The following CACNA1A variants were observed in gnomAD, a reference collection of about 807,000 sequenced individuals.
CACNA1A encodes the protein voltage-dependent P/Q-type calcium channel subunit alpha-1A.
In CACNA1A, 57 loss-of-function variants were observed where a neutral mutation model predicts 262.4. The ratio of observed to expected loss-of-function variants is 0.22; its 90% confidence interval spans 0.18 to 0.27. CACNA1A has a LOEUF of 0.27. CACNA1A is among the 10% of genes least tolerant of loss of function. The pLI, the probability that CACNA1A is intolerant of heterozygous loss-of-function variation, is 1.00. For synonymous variants in CACNA1A, 1,431 were observed against 1,419.3 expected (o/e 1.01, Z -0.18); for missense variants, 2,526 against 3,562.8 (o/e 0.71, Z 7.41).
At chr19:13,268,203 A>G (rs1195380730) in intron 24 of CACNA1A, among the ~76,000 whole-genome samples, 1 of 152,190 alleles carries the variant, frequency 6.6e-6, no homozygotes, top group African/African-American at 2.4e-5. Context: ...GGATGGAATT[A>G]GAAGCAACTC....
At chr19:13,474,972 AAGG>A in intron 1 of CACNA1A, among the ~76,000 whole-genome samples, 1 of 152,256 alleles carries the variant, frequency 6.6e-6, no homozygotes, top group Non-Finnish European at 1.5e-5. Context: ...AATCTCCTCG[AAGG>A]AGAAGTCAAA....
At chr19:13,427,590 CAAGT>C (rs2060426747) in intron 3 of CACNA1A, among the ~76,000 whole-genome samples, 1 of 152,102 alleles carries the variant, frequency 6.6e-6, no homozygotes, top group Non-Finnish European at 1.5e-5. Flanking sequence ...GGATCTTGGG[CAAGT>C]TACTTCCTCT....
At chr19:13,260,329 TA>T (rs753383284) in intron 26 of CACNA1A, 9,668 of 83,870 alleles carry the variant, frequency 0.12, 440 homozygotes, top group East Asian at 0.28. Context: ...TATATATATA[TA>T]TATTTTTGTT....
intron 1 of CACNA1A, among the ~76,000 whole-genome samples, chr19:13,467,723 T>G (rs184542639): frequency 1.8e-3 from 270 of 151,398 alleles, no homozygotes; most frequent in African/African-American, 6.3e-3. Context: ...TCCTGTCTCA[T>G]CCTCCCGAGT....
At chr19:13,467,783 T>G (rs973785129) in intron 1 of CACNA1A, among the ~76,000 whole-genome samples, 18 of 151,902 alleles carry the variant, frequency 1.2e-4, no homozygotes, top group Non-Finnish European at 2.4e-4. Flanking sequence ...TTTTTTATTT[T>G]TAGTGAGGAT....
intron 29 of CACNA1A, 76 bp downstream of exon 29, chr19:13,255,019 G>A (rs970079726): frequency 1.3e-6 from 2 of 1,489,692 alleles, no homozygotes; most frequent in Non-Finnish European, 1.9e-6. Flanking sequence ...AACTGCAGAT[G>A]GTTTCATTTT....
Position 13,241,506 on chromosome 19 carries a change from A to G in CACNA1A, c.4950+3676T>C, listed in dbSNP as rs2056081086. On this transcript the variant is annotated intron_variant, in intron 31 of 46. Transcript: ENST00000360228. The surrounding 1 kb of genome is among the most constrained non-coding windows in gnomAD (Gnocchi z 4.0). The stretch of plus-strand genomic sequence containing the variant: ...AATGTAAGGCATTTAGACTTCAGAA[A>G]GAAGTAAGACCAACCGGATTCTAGA... The G allele has an allele frequency of 6.9e-7, 1 of 1,447,496 alleles. No individual in the cohort carries two copies. The highest frequency in any genetic ancestry group is 1.4e-5 in the African/African-American group (1 of 70,228). The allele number at this position is 1,447,496 out of a possible 1,614,324, so 89.7% of individuals were successfully genotyped here.
Position 13,308,457 on chromosome 19 carries a change from C to T in CACNA1A, c.1740G>A (p.Val580=), listed in dbSNP as rs760945735. The change falls in exon 13 of 47, where the codon GTG becomes GTA. Residue 580 remains valine (V), a synonymous_variant. Transcript: ENST00000360228. The surrounding 1 kb of genome is among the most constrained non-coding windows in gnomAD (Gnocchi z 4.2). ...IKPGTSFGIS[V]LRALRLLRIF... ...TACGCAATAACCTGAGGGCTCGTAA[C>T]ACGCTGATTCCAAAGGATGTGCCAG... is the stretch of plus-strand genomic sequence containing the variant. 7 of 1,613,150 alleles carry T rather than the reference C, an allele frequency of 4.3e-6. No homozygotes were observed. The highest frequency in any genetic ancestry group is 5.1e-6 in the Non-Finnish European group (6 of 1,179,496).
At chr19:13,237,286 C>T (rs2055909113) in intron 31 of CACNA1A, among the ~76,000 whole-genome samples, 1 of 152,140 alleles carries the variant, frequency 6.6e-6, no homozygotes, top group Non-Finnish European at 1.5e-5. Flanking sequence ...AGGGTCTCTC[C>T]ACACTAAGGG....
chr19:13,325,228 G>C (rs1373922414), intron 10 of CACNA1A, among the ~76,000 whole-genome samples: 4 of 136,220 alleles, frequency 2.9e-5, no homozygotes, highest in Non-Finnish European at 6.1e-5. Flanking sequence ...GCCAGGTACA[G>C]TGTCTCACAC....
In CACNA1A at chr19:13,338,259, T is replaced by C. The variant is rs372258631; in HGVS notation, c.979-2350A>G. 2.6e-4 allele frequency among the ~76,000 whole-genome samples: 40 copies of C among 152,244 alleles called. No individual in the cohort carries two copies. The East Asian group carries it at 6.2e-3, about 24-fold the overall frequency. Reference sequence around the variant, plus strand: ...AACAGAAAAGCTATAGTAAAAATACTGTATGATAATCACTGTTATGTATTC... The same window carrying C: ...AACAGAAAAGCTATAGTAAAAATACCGTATGATAATCACTGTTATGTATTC... On this transcript the variant is annotated intron_variant, in intron 6 of 46. Transcript: ENST00000360228.
chr19:13,225,424 A>C (rs897771904), intron 37 of CACNA1A: 1 of 152,352 alleles, frequency 6.6e-6, no homozygotes, highest in Non-Finnish European at 1.5e-5. Flanking sequence ...AGTGTATCTC[A>C]GGGGCATGTC....
chr19:13,227,424 A>AGTC lies in CACNA1A; in HGVS notation c.5625+4_5625+6dup. Reference sequence around the variant, plus strand: ...CTGGACGTCGGTGGTCGGCAAGGGTAGTCTACCTTGTAAGCCACTCTGGCC... The same window carrying AGTC: ...CTGGACGTCGGTGGTCGGCAAGGGTAGTCGTCTACCTTGTAAGCCACTCTGGCC... On this transcript the variant is annotated splice_region_variant and intron_variant, in intron 37 of 46. Transcript: ENST00000360228. 6.4e-7 allele frequency: 1 copy of AGTC among 1,558,052 alleles called. No homozygotes were observed. Among genetic ancestry groups the AGTC allele is most frequent in the Non-Finnish European group, 8.8e-7 (1 of 1,139,182 alleles).
chr19:13,234,077 C>A (rs190643964), intron 34 of CACNA1A, among the ~76,000 whole-genome samples: 1 of 137,518 alleles, frequency 7.3e-6, no homozygotes, highest in African/African-American at 2.7e-5. Flanking sequence ...GGGCTGGGCA[C>A]GGTGGCTCAC....
intron 31 of CACNA1A, among the ~76,000 whole-genome samples, chr19:13,237,915 C>T (rs1298632885): frequency 3.3e-5 from 5 of 152,152 alleles, no homozygotes; most frequent in Non-Finnish European, 1.5e-5. Context: ...GCCAGGCATG[C>T]GAAGGCAGGC....
At chr19:13,251,506 A>C (rs886307988) in intron 30 of CACNA1A, among the ~76,000 whole-genome samples, 8 of 152,174 alleles carry the variant, frequency 5.3e-5, no homozygotes, top group African/African-American at 1.4e-4. Flanking sequence ...ACAACAACAA[A>C]AAAACACTGA....
chr19:13,421,421 G>C (rs1189833200), intron 3 of CACNA1A, among the ~76,000 whole-genome samples: 1 of 152,034 alleles, frequency 6.6e-6, no homozygotes, highest in African/African-American at 2.4e-5. Flanking sequence ...TACAATCTAA[G>C]GGAAGGAAAG....
chr19:13,251,375 C>T (rs770063589), intron 30 of CACNA1A, among the ~76,000 whole-genome samples: 31 of 151,814 alleles, frequency 2.0e-4, no homozygotes, highest in South Asian at 4.1e-4. Flanking sequence ...CCCAGCTACT[C>T]GGGAGGCTGA....
rs2055870257 is a variant in CACNA1A at position 13,236,259 on chromosome 19, A to G, written c.4951-529T>C. 6.6e-6 allele frequency among the ~76,000 whole-genome samples: 1 copy of G among 152,170 alleles called. No homozygotes were observed. Among genetic ancestry groups the G allele is most frequent in the Non-Finnish European group, 1.5e-5 (1 of 67,992 alleles). ...GCCAGCACAGTCAGGCCTGGTGGACATGTGCGGGTTCCGAGGGCATGTTAC... is the reference window on the plus strand; with the variant it reads ...GCCAGCACAGTCAGGCCTGGTGGACGTGTGCGGGTTCCGAGGGCATGTTAC... On this transcript the variant is annotated intron_variant, in intron 31 of 46. Transcript: ENST00000360228. This position sits in a 1 kb window ranked among gnomAD's most constrained non-coding sequence, Gnocchi z 4.6.
Sources: allele counts gnomAD v4.1 joint callset (sites outside exome capture counted in the v4.1 genomes callset), GRCh38; gene constraint gnomAD v4.1.1; non-coding constraint Gnocchi (gnomAD v3.1); transcripts MANE v1.5; gene names NCBI Gene and HGNC (gene_info 2026-07-23, HGNC 2026-07-21).